Variants in CDKAL1 observed in about 807,000 individuals in gnomAD.
The protein encoded by CDKAL1 is CDKAL1 threonylcarbamoyladenosine tRNA methylthiotransferase.
In CDKAL1, 32 loss-of-function variants were observed where a neutral mutation model predicts 68.2. The observed-to-expected ratio is 0.47, with a 90% CI of 0.35 to 0.63. The LOEUF is 0.63. CDKAL1 is among the 30% of genes least tolerant of loss of function. CDKAL1 has a pLI of 0.00. For synonymous variants in CDKAL1, 234 were observed against 244.3 expected (o/e 0.96, Z 0.39); for missense variants, 606 against 696.7 (o/e 0.87, Z 1.47).
intron 13 of CDKAL1, among the ~76,000 whole-genome samples, chr6:21,169,977 G>A (rs188251661): frequency 2.2e-5 from 3 of 138,344 alleles, no homozygotes; most frequent in South Asian, 4.3e-4. Flanking sequence ...ACAACATATG[G>A]GAATTATGGG....
intron 5 of CDKAL1, among the ~76,000 whole-genome samples, chr6:20,707,175 A>G (rs926375985): frequency 1.3e-5 from 2 of 152,164 alleles, no homozygotes; most frequent in Non-Finnish European, 2.9e-5. Context: ...AGCATGATTT[A>G]ATTTGGAGCA....
chr6:21,107,109 G>T (rs1446404425), intron 12 of CDKAL1, among the ~76,000 whole-genome samples: 3 of 151,892 alleles, frequency 2.0e-5, no homozygotes, highest in Non-Finnish European at 4.4e-5. Context: ...CACCGTGCCC[G>T]GCTAATTTTT....
intron 9 of CDKAL1, among the ~76,000 whole-genome samples, chr6:20,922,157 C>A (rs750324675): frequency 1.1e-4 from 17 of 152,180 alleles, no homozygotes; most frequent in Non-Finnish European, 2.2e-4. Context: ...CTTATTTGAA[C>A]CCCATGGTAC....
At chr6:21,176,677 T>G (rs62404511) in intron 13 of CDKAL1, among the ~76,000 whole-genome samples, 19,934 of 147,436 alleles carry the variant, frequency 0.14, 1,722 homozygotes, top group Non-Finnish European at 0.19. Flanking sequence ...ATGGGCTGGA[T>G]GTTGGTTTTT....
chr6:21,113,102 C>T lies in CDKAL1; in HGVS notation c.1299+4639C>T, dbSNP rs144565431. The stretch of plus-strand genomic sequence containing the variant: ...CTATAAGTCATTAACAGAGGAACTC[C>T]GAAAGTGCAGCTGCCCAAGACCACT... On this transcript the variant is annotated intron_variant, in intron 13 of 15. Coordinates refer to ENST00000274695, the MANE Select transcript of CDKAL1 (RefSeq NM_017774.3). 5.4e-3 allele frequency among the ~76,000 whole-genome samples: 827 copies of T among 152,190 alleles called. 7 individuals are homozygous for T. Among genetic ancestry groups the T allele is most frequent in the African/African-American group, 0.019 (780 of 41,498 alleles).
chr6:20,784,094 T>C (rs1264122030), intron 8 of CDKAL1, among the ~76,000 whole-genome samples: 2 of 151,664 alleles, frequency 1.3e-5, no homozygotes, highest in Non-Finnish European at 2.9e-5. Flanking sequence ...GTGCCTGTAA[T>C]CCTAGCTACT....
rs1779970512 is a variant in CDKAL1, at chr6:21,231,416, A to C, written c.*377A>C. ...TGTGGAAGAATTTTCTATCTTTAAT[A>C]AACTTTTTCTTTGTTTTTTTTTTCC... On this transcript the variant is annotated 3_prime_UTR_variant, in exon 16 of 16. Coordinates refer to ENST00000274695, the MANE Select transcript of CDKAL1 (RefSeq NM_017774.3). 6.2e-6 allele frequency: 1 copy of C among 161,214 alleles called. No homozygotes were observed. Among genetic ancestry groups the C allele is most frequent in the Non-Finnish European group, 1.3e-5 (1 of 74,384 alleles). The allele number at this position is 161,214 out of a possible 1,614,324, so 10.0% of individuals were successfully genotyped here.
intron 5 of CDKAL1, among the ~76,000 whole-genome samples, chr6:20,656,619 A>AT (rs1320413119): frequency 2.0e-5 from 3 of 152,158 alleles, no homozygotes; most frequent in Non-Finnish European, 2.9e-5. Context: ...AGTTTCTGTG[A>AT]TTATCAACTT....
At chr6:20,896,323 C>T (rs1761692733) in intron 9 of CDKAL1, among the ~76,000 whole-genome samples, 1 of 152,028 alleles carries the variant, frequency 6.6e-6, no homozygotes, top group Admixed American at 6.6e-5. Flanking sequence ...TGGTCTCGAT[C>T]TCTTGACCTC....
At chr6:20,754,709 T>C (rs188343734) in intron 6 of CDKAL1, among the ~76,000 whole-genome samples, 238 of 152,350 alleles carry the variant, frequency 1.6e-3, no homozygotes, top group African/African-American at 5.4e-3. Flanking sequence ...TTACCAGATA[T>C]GTGATTTATA....
chr6:20,812,067 A>G (rs781181036), intron 8 of CDKAL1, among the ~76,000 whole-genome samples: 1 of 152,144 alleles, frequency 6.6e-6, no homozygotes, highest in Non-Finnish European at 1.5e-5. Context: ...TTGATATTTT[A>G]ATTTTATTGC....
chr6:21,226,183 A>G (rs1779733507), intron 15 of CDKAL1, among the ~76,000 whole-genome samples: 1 of 152,226 alleles, frequency 6.6e-6, no homozygotes, highest in South Asian at 2.1e-4. Flanking sequence ...CACAACTGCT[A>G]AAGACGAAGG....
chr6:20,941,005 T>G (rs1165472301), intron 9 of CDKAL1, among the ~76,000 whole-genome samples: 1 of 151,634 alleles, frequency 6.6e-6, no homozygotes, highest in Admixed American at 6.6e-5. Context: ...CAGAATGCTG[T>G]GAACCCGGGA....
intron 12 of CDKAL1, among the ~76,000 whole-genome samples, chr6:21,099,898 A>G (rs780907556): frequency 6.6e-6 from 1 of 152,244 alleles, no homozygotes; most frequent in Non-Finnish European, 1.5e-5. Flanking sequence ...TGCCTTCCTT[A>G]TGTGCTAGCC....
chr6:20,951,925 A>T (rs1240664547), intron 9 of CDKAL1, among the ~76,000 whole-genome samples: 3 of 145,212 alleles, frequency 2.1e-5, no homozygotes, highest in African/African-American at 7.6e-5. Context: ...CTCTTATCTT[A>T]GTTCTTCCTG....
At chr6:20,872,934 G>T (rs1760299610) in intron 9 of CDKAL1, among the ~76,000 whole-genome samples, 1 of 152,166 alleles carries the variant, frequency 6.6e-6, no homozygotes, top group Non-Finnish European at 1.5e-5. Context: ...TAGCCTGAGT[G>T]GTTGAAAAGG....
intron 9 of CDKAL1, among the ~76,000 whole-genome samples, chr6:20,951,030 G>A (rs1322058403): frequency 1.3e-5 from 2 of 151,956 alleles, no homozygotes; most frequent in African/African-American, 4.8e-5. Context: ...CCGGGTAGTG[G>A]GAGGTAGAGT....
chr6:21,196,192 A>G (rs1483916097), intron 13 of CDKAL1, among the ~76,000 whole-genome samples: 1 of 152,174 alleles, frequency 6.6e-6, no homozygotes, highest in African/African-American at 2.4e-5. Context: ...ATTGTTGTTA[A>G]TTTCCTGAAA....
At chr6:20,860,885 T>C (rs540550814) in intron 9 of CDKAL1, among the ~76,000 whole-genome samples, 1 of 149,662 alleles carries the variant, frequency 6.7e-6, no homozygotes, top group East Asian at 2.0e-4. Context: ...ACTAATAGAA[T>C]CCTATGGAAT....
Sources: gnomAD v4.1 joint callset for allele counts (sites outside exome capture counted in the v4.1 genomes callset) on GRCh38, gnomAD v4.1.1 for gene constraint, MANE v1.5 for transcripts, NCBI Gene and HGNC (gene_info 2026-07-23, HGNC 2026-07-21) for gene names.